LRMDA: variants seen among roughly 807,000 people sequenced by gnomAD.
LRMDA encodes the protein leucine-rich melanocyte differentiation-associated protein.
In LRMDA, 18 loss-of-function variants were observed where a neutral mutation model predicts 29.8. That is an observed-to-expected ratio of 0.60 (90% CI 0.42 to 0.90). The LOEUF is 0.90. Ranked by LOEUF, LRMDA falls within the 40% of genes least tolerant of loss-of-function variation. The pLI, the probability that LRMDA is intolerant of heterozygous loss-of-function variation, is 0.00. For synonymous variants in LRMDA, 125 were observed against 109.4 expected (o/e 1.14, Z -0.89); for missense variants, 273 against 273.9 (o/e 1.00, Z 0.02).
intron 2 of LRMDA, among the ~76,000 whole-genome samples, chr10:75,569,610 C>T (rs1165176986): frequency 6.6e-6 from 1 of 152,310 alleles, no homozygotes; most frequent in Admixed American, 6.5e-5. Flanking sequence ...AAACATTTTC[C>T]ATTTTCATTT....
At chr10:76,275,957 C>T (rs1483519105) in intron 5 of LRMDA, among the ~76,000 whole-genome samples, 3 of 152,026 alleles carry the variant, frequency 2.0e-5, no homozygotes, top group Non-Finnish European at 4.4e-5. Flanking sequence ...TTCAAGTTCA[C>T]TAAATCTCTC....
At chr10:76,186,779 T>G (rs1851158158) in intron 5 of LRMDA, among the ~76,000 whole-genome samples, 2 of 152,184 alleles carry the variant, frequency 1.3e-5, no homozygotes, top group Admixed American at 6.5e-5. Context: ...GGAACTGACA[T>G]TCTATCTAAC....
At chr10:75,493,549 T>A (rs1164507889) in intron 2 of LRMDA, among the ~76,000 whole-genome samples, 1 of 152,162 alleles carries the variant, frequency 6.6e-6, no homozygotes, top group Non-Finnish European at 1.5e-5. Context: ...AGGGAGAAGC[T>A]GTGACTGTTG....
intron 2 of LRMDA, among the ~76,000 whole-genome samples, chr10:75,748,888 C>T (rs1396625808): frequency 4.6e-5 from 7 of 152,046 alleles, no homozygotes; most frequent in Non-Finnish European, 1.0e-4. Context: ...ACTTTTATAT[C>T]TGATATATAC....
chr10:75,496,173 A>G (rs147569492), intron 2 of LRMDA, among the ~76,000 whole-genome samples: 2 of 152,336 alleles, frequency 1.3e-5, no homozygotes, highest in African/African-American at 4.8e-5. Flanking sequence ...ACAGAGATCT[A>G]GGAACTATGA....
intron 5 of LRMDA, among the ~76,000 whole-genome samples, chr10:76,089,419 A>G (rs1849192309): frequency 6.6e-6 from 1 of 152,232 alleles, no homozygotes; most frequent in African/African-American, 2.4e-5. Flanking sequence ...TTTATAATAA[A>G]ACACATAGGA....
intron 5 of LRMDA, among the ~76,000 whole-genome samples, chr10:76,135,369 G>T (rs931270253): frequency 6.6e-6 from 1 of 152,200 alleles, no homozygotes; most frequent in African/African-American, 2.4e-5. Context: ...GATTTAAGTG[G>T]TAGTCCTATG....
At chr10:76,542,193 G>C (rs919123531) in intron 6 of LRMDA, among the ~76,000 whole-genome samples, 2 of 152,130 alleles carry the variant, frequency 1.3e-5, no homozygotes, top group Admixed American at 1.3e-4. Flanking sequence ...GCTTTTAGGT[G>C]CTGCGGATTA....
At chr10:76,014,731 G>A (rs1006362891) in intron 2 of LRMDA, among the ~76,000 whole-genome samples, 1 of 152,198 alleles carries the variant, frequency 6.6e-6, no homozygotes, top group East Asian at 1.9e-4. Context: ...TAGGCTTTAG[G>A]AGATAGGCTG....
chr10:75,937,433 C>T (rs975308541), intron 2 of LRMDA, among the ~76,000 whole-genome samples: 3 of 152,160 alleles, frequency 2.0e-5, no homozygotes, highest in African/African-American at 7.2e-5. Context: ...ACAGGGTTAT[C>T]CCCAAGCCTT....
At chr10:76,266,663 A>G (rs776746346) in intron 5 of LRMDA, among the ~76,000 whole-genome samples, 2 of 152,316 alleles carry the variant, frequency 1.3e-5, no homozygotes, top group East Asian at 3.9e-4. Context: ...CATGTCTATG[A>G]CACTAGGCTA....
In LRMDA at chr10:75,865,382, A is replaced by G. The variant is rs181646794; in HGVS notation, c.132-170626A>G. ...AAACTGATCACGTTGTATACTTAAG[A>G]TCTGTGCATTTCATTATGCAAGTAT... On this transcript the variant is annotated intron_variant, in intron 2 of 6. Transcript: ENST00000611255. Among the ~76,000 whole-genome samples the G allele has an allele frequency of 1.4e-3, 211 of 152,326 alleles. 1 individual carries two copies. Among genetic ancestry groups the G allele is most frequent in the Non-Finnish European group, 1.2e-3 (79 of 68,024 alleles).
intron 2 of LRMDA, among the ~76,000 whole-genome samples, chr10:75,952,616 AT>A (rs1381048783): frequency 6.6e-6 from 1 of 152,174 alleles, no homozygotes; most frequent in African/African-American, 2.4e-5. Context: ...CAGAAATAAG[AT>A]CATTTATAGC....
intron 6 of LRMDA, among the ~76,000 whole-genome samples, chr10:76,546,179 T>C (rs186446586): frequency 3.9e-5 from 6 of 152,328 alleles, no homozygotes; most frequent in Non-Finnish European, 5.9e-5. Context: ...TTAAAAACAA[T>C]GTACTGCATA....
At chr10:76,427,158 G>T (rs572734323) in intron 6 of LRMDA, among the ~76,000 whole-genome samples, 1 of 152,132 alleles carries the variant, frequency 6.6e-6, no homozygotes, top group African/African-American at 2.4e-5. Context: ...TTGGTAGCTT[G>T]ATGGGGATGG....
intron 2 of LRMDA, among the ~76,000 whole-genome samples, chr10:75,721,255 C>T (rs878919327): frequency 4.6e-5 from 7 of 152,062 alleles, no homozygotes; most frequent in East Asian, 3.9e-4. Flanking sequence ...CTTTGAAGAC[C>T]GGGTAGGTGT....
rs192583675 is a variant in LRMDA at position 76,095,095 on chromosome 10, T to A, written c.516+36312T>A. Among the ~76,000 whole-genome samples, 3 of 152,292 alleles carry A rather than the reference T, an allele frequency of 2.0e-5. No homozygotes were observed. The East Asian group carries it at 5.8e-4, about 29-fold the overall frequency. ...TCATAACAATCAAGATAATGAACAG[T>A]TACCTTTCTGGAAAATTACCTCCTG... On this transcript the variant is annotated intron_variant, in intron 5 of 6. Coordinates refer to ENST00000611255, the MANE Select transcript of LRMDA (RefSeq NM_001305581.2).
intron 2 of LRMDA, among the ~76,000 whole-genome samples, chr10:75,653,305 TA>T (rs1241103188): frequency 1.3e-5 from 2 of 152,188 alleles, no homozygotes; most frequent in Non-Finnish European, 2.9e-5. Flanking sequence ...TTTGCCTTGT[TA>T]GTTCTCATAT....
At chr10:76,452,447 C>G (rs972838231) in intron 6 of LRMDA, among the ~76,000 whole-genome samples, 2 of 151,936 alleles carry the variant, frequency 1.3e-5, no homozygotes, top group Non-Finnish European at 2.9e-5. Context: ...CCTACTCCAA[C>G]TCCTTTAACA....
Sources: allele counts gnomAD v4.1 joint callset (sites outside exome capture counted in the v4.1 genomes callset), GRCh38; gene constraint gnomAD v4.1.1; transcripts MANE v1.5; gene names NCBI Gene and HGNC (gene_info 2026-07-23, HGNC 2026-07-21).